CALCR: variants seen among roughly 807,000 people sequenced by gnomAD.
The protein encoded by CALCR is calcitonin receptor.
In CALCR, 47 loss-of-function variants were observed where a neutral mutation model predicts 59.5. The observed-to-expected ratio is 0.79, with a 90% CI of 0.63 to 1.01. The LOEUF (loss-of-function observed/expected upper bound fraction) is 1.01. Ranked by LOEUF, CALCR falls within the 50% of genes least tolerant of loss-of-function variation. The pLI is 0.00. For missense variants in CALCR, 566 were observed against 597.1 expected, an observed-to-expected ratio of 0.95 and a Z score of 0.54; for synonymous variants, 213 against 211.3, an observed-to-expected ratio of 1.01 and a Z score of -0.07.
intron 13 of CALCR, among the ~76,000 whole-genome samples, chr7:93,432,737 G>T (rs867627295): frequency 1.3e-5 from 2 of 152,098 alleles, no homozygotes; most frequent in African/African-American, 4.8e-5. Context: ...ATGCCCCACT[G>T]AGCCTGATTT....
At chr7:93,547,011 G>A (rs1382334930) in intron 2 of CALCR, among the ~76,000 whole-genome samples, 1 of 152,144 alleles carries the variant, frequency 6.6e-6, no homozygotes, top group East Asian at 1.9e-4. Flanking sequence ...TATATGAAGG[G>A]ACAAGCTCTC....
chr7:93,453,618 A>T lies in CALCR; in HGVS notation c.648+7203T>A, dbSNP rs150610308. Among the ~76,000 whole-genome samples, 552 of 152,158 alleles carry T rather than the reference A, an allele frequency of 3.6e-3. 1 individual carries two copies. The highest frequency in any genetic ancestry group is 8.6e-3 in the Admixed American group (131 of 15,252). Reference sequence around the variant, plus strand: ...CACTAAGTTCATGACAGCCTTCTCAAAGCAGGGGAAGCTAACTGCAAATTT... The same window carrying T: ...CACTAAGTTCATGACAGCCTTCTCATAGCAGGGGAAGCTAACTGCAAATTT... On this transcript the variant is annotated intron_variant, in intron 8 of 13. Transcript: ENST00000426151.
At position 93,499,400 on chromosome 7, in the gene CALCR, C is replaced by A. The variant is rs114436282; in HGVS notation, c.-26-12393G>T. Among the ~76,000 whole-genome samples, 1,076 of 151,832 alleles carry A rather than the reference C, an allele frequency of 7.1e-3. 7 individuals carry two copies. The highest frequency in any genetic ancestry group is 0.024 in the African/African-American group (1,010 of 41,492). On this transcript the variant is annotated intron_variant, in intron 2 of 13. Coordinates refer to ENST00000426151, the MANE Select transcript of CALCR (RefSeq NM_001742.4). Reference sequence around the variant, plus strand: ...TTAAAAGTTCTGCAAAATTCTGCAACCATGGATCCTCTAAATAAATTCATT... The same window carrying A: ...TTAAAAGTTCTGCAAAATTCTGCAAACATGGATCCTCTAAATAAATTCATT...
At chr7:93,557,872 T>C (rs1451877458) in intron 2 of CALCR, among the ~76,000 whole-genome samples, 1 of 152,014 alleles carries the variant, frequency 6.6e-6, no homozygotes, top group Non-Finnish European at 1.5e-5. Flanking sequence ...TCCTTTTCTG[T>C]GTCAGTACTG....
chr7:93,552,526 T>C (rs935040300), intron 2 of CALCR, among the ~76,000 whole-genome samples: 1 of 152,174 alleles, frequency 6.6e-6, no homozygotes, highest in Non-Finnish European at 1.5e-5. Flanking sequence ...AACCCATTGA[T>C]AGGCTATATT....
intron 9 of CALCR, chr7:93,441,461 G>C (rs1272002564): frequency 6.8e-6 from 3 of 443,734 alleles, no homozygotes; most frequent in Admixed American, 2.5e-5. Flanking sequence ...AGCATGACCA[G>C]ATTTGGAAAT....
chr7:93,438,647 C>T (rs1343286458), intron 9 of CALCR, among the ~76,000 whole-genome samples: 2 of 152,166 alleles, frequency 1.3e-5, no homozygotes, highest in African/African-American at 2.4e-5. Flanking sequence ...AGCTGGGTCA[C>T]CCCGGAGGGA....
intron 7 of CALCR, among the ~76,000 whole-genome samples, chr7:93,464,299 G>A (rs572826690): frequency 1.3e-5 from 2 of 152,082 alleles, no homozygotes; most frequent in African/African-American, 4.8e-5. Flanking sequence ...ATGTAAGACA[G>A]TGTAATTATA....
intron 2 of CALCR, among the ~76,000 whole-genome samples, chr7:93,561,951 G>C (rs546522860): frequency 1.3e-3 from 194 of 151,964 alleles, no homozygotes; most frequent in Non-Finnish European, 2.5e-3. Context: ...TCTGCTTCTG[G>C]TTATACGATC....
chr7:93,494,429 A>G lies in CALCR; in HGVS notation c.-26-7422T>C, dbSNP rs147230787. 7.8e-3 allele frequency among the ~76,000 whole-genome samples: 1,186 copies of G among 151,580 alleles called. 17 individuals are homozygous for G. The highest frequency in any genetic ancestry group is 0.026 in the African/African-American group (1,096 of 41,466). On this transcript the variant is annotated intron_variant, in intron 2 of 13. Transcript: ENST00000426151. The stretch of plus-strand genomic sequence containing the variant: ...ACACATGTATCACAAACAGCTTATG[A>G]GAACAAAAATAGTATGAAAACAGAT...
chr7:93,497,111 T>A (rs1209128684), intron 2 of CALCR, among the ~76,000 whole-genome samples: 4 of 151,566 alleles, frequency 2.6e-5, no homozygotes, highest in Non-Finnish European at 5.9e-5. Flanking sequence ...GACTTGGCAC[T>A]TTCTGCATTG....
rs4015269 is a variant in CALCR at position 93,568,509 on chromosome 7, T to TTCTCTCTCTCTCTCTCTC, written c.-27+5762_-27+5779dup. On this transcript the variant is annotated intron_variant, in intron 2 of 13. Transcript: ENST00000426151. ...CCTCCCTGGTTTCCATAAAATTACT[T>TTCTCTCTCTCTCTCTCTC]TCTCTCTCTCTCTCTCTCTCTCTCT... is the stretch of plus-strand genomic sequence containing the variant. Among the ~76,000 whole-genome samples the TTCTCTCTCTCTCTCTCTC allele has an allele frequency of 1.1e-3, 117 of 102,398 alleles. 4 individuals are homozygous for TTCTCTCTCTCTCTCTCTC. Among genetic ancestry groups the TTCTCTCTCTCTCTCTCTC allele is most frequent in the East Asian group, 8.4e-3 (23 of 2,746 alleles). 67.2% of individuals were successfully genotyped at this position (102,398 alleles called of 152,430 possible).
Position 93,424,553 on chromosome 7 carries a change from G to A in CALCR, c.*1803C>T, listed in dbSNP as rs115692520. ...AAATATACATCTTTTTGCTTTTAAC[G>A]TACTCTGTATTAATTTATACATATA... On this transcript the variant is annotated 3_prime_UTR_variant, in exon 14 of 14. Transcript: ENST00000426151. The A allele has an allele frequency of 7.9e-3, 1,205 of 152,500 alleles. 1 individual carries two copies. Among genetic ancestry groups the A allele is most frequent in the African/African-American group, 0.019 (770 of 41,486 alleles). 9.4% of individuals were successfully genotyped at this position (152,500 alleles called of 1,614,324 possible).
intron 2 of CALCR, among the ~76,000 whole-genome samples, chr7:93,569,452 T>C (rs1789950460): frequency 2.0e-5 from 3 of 152,176 alleles, no homozygotes; most frequent in South Asian, 2.1e-4. Flanking sequence ...ACTTCATTTC[T>C]TCCCCTCTTT....
intron 2 of CALCR, among the ~76,000 whole-genome samples, chr7:93,547,619 C>A (rs1655756503): frequency 6.6e-6 from 1 of 152,164 alleles, no homozygotes; most frequent in South Asian, 2.1e-4. Flanking sequence ...GAAGTCCACA[C>A]AGGTCAACCA....
At chr7:93,517,936 A>C (rs576365361) in intron 2 of CALCR, among the ~76,000 whole-genome samples, 32 of 152,062 alleles carry the variant, frequency 2.1e-4, no homozygotes, top group African/African-American at 7.7e-4. Context: ...TGGTAGGGAC[A>C]AGATGGGTTA....
In CALCR at chr7:93,482,269, C is replaced by T. The variant is rs1230199671; in HGVS notation, c.52-2762G>A. ...ATCAAAACAAGAATGGATCATGATG[C>T]CTTCACAATAGAGATATTAATTATT... On this transcript the variant is annotated intron_variant, in intron 3 of 13. Transcript: ENST00000426151. Among the ~76,000 whole-genome samples the T allele has an allele frequency of 2.0e-5, 3 of 151,728 alleles. No individual in the cohort carries two copies. In the East Asian group the frequency reaches 5.8e-4, roughly 30 times the overall value.
At chr7:93,527,373 G>A (rs1335172112) in intron 2 of CALCR, among the ~76,000 whole-genome samples, 2 of 149,892 alleles carry the variant, frequency 1.3e-5, no homozygotes, top group Non-Finnish European at 1.5e-5. Flanking sequence ...ATATTTAAAT[G>A]GTGTATCTAA....
intron 11 of CALCR, 43 bp from the exon 12 acceptor site, chr7:93,436,213 T>A (rs1488381697): frequency 1.3e-6 from 2 of 1,497,338 alleles, no homozygotes; most frequent in African/African-American, 1.4e-5. Context: ...CAGAAAAGTA[T>A]CACTTAAGAA....
Sources: gnomAD v4.1 joint callset for allele counts (sites outside exome capture counted in the v4.1 genomes callset) on GRCh38, gnomAD v4.1.1 for gene constraint, MANE v1.5 for transcripts, NCBI Gene and HGNC (gene_info 2026-07-23, HGNC 2026-07-21) for gene names.